The following ACSS3 variants were observed in gnomAD, a reference collection of about 807,000 sequenced individuals.
The protein encoded by ACSS3 is acyl-CoA synthetase short-chain family member 3, mitochondrial.
Under a neutral mutation model 84.2 loss-of-function variants are expected in ACSS3, and 64 were observed. The ratio of observed to expected loss-of-function variants is 0.76; its 90% confidence interval spans 0.62 to 0.94. The LOEUF is 0.94. Among genes scored for constraint, ACSS3 ranks in the 40% least tolerant of loss-of-function variants. ACSS3 has a pLI of 0.00. For synonymous variants in ACSS3, 317 were observed against 310.1 expected (o/e 1.02, Z -0.23); for missense variants, 815 against 867.6 (o/e 0.94, Z 0.76).
intron 9 of ACSS3, among the ~76,000 whole-genome samples, chr12:81,209,350 A>G (rs995994947): frequency 6.6e-6 from 1 of 151,018 alleles, no homozygotes. Flanking sequence ...GTTATATAAC[A>G]TTTTTAATGG....
intron 13 of ACSS3, among the ~76,000 whole-genome samples, chr12:81,248,044 T>G (rs1191433967): frequency 6.6e-6 from 1 of 152,034 alleles, no homozygotes; most frequent in Admixed American, 6.6e-5. Flanking sequence ...TGTAAGTTAT[T>G]GTTAGAAAGT....
intron 12 of ACSS3, among the ~76,000 whole-genome samples, chr12:81,232,737 CAT>C (rs2033507141): frequency 2.0e-5 from 3 of 151,708 alleles, no homozygotes; most frequent in Non-Finnish European, 1.5e-5. Flanking sequence ...TGTTCATAAA[CAT>C]AGGTATCAAA....
At chr12:81,092,278 ATAGAGTTTAACTC>A (rs1160659960) in intron 1 of ACSS3, among the ~76,000 whole-genome samples, 10 of 152,198 alleles carry the variant, frequency 6.6e-5, no homozygotes, top group Non-Finnish European at 8.8e-5. Context: ...GAGAGTCCAG[ATAGAGTTTAACTC>A]TAAAAAACAA....
At chr12:81,169,785 T>C (rs982399190) in intron 7 of ACSS3, among the ~76,000 whole-genome samples, 2 of 152,160 alleles carry the variant, frequency 1.3e-5, no homozygotes, top group African/African-American at 2.4e-5. Flanking sequence ...ACATGACCTA[T>C]AGTAGAAATT....
At chr12:81,247,269 G>A (rs1026539946) in intron 13 of ACSS3, among the ~76,000 whole-genome samples, 2 of 152,022 alleles carry the variant, frequency 1.3e-5, no homozygotes, top group African/African-American at 4.8e-5. Context: ...GGCAGACTCA[G>A]TCAATCAAAA....
At chr12:81,235,064 T>A (rs1190895302) in intron 13 of ACSS3, among the ~76,000 whole-genome samples, 2 of 151,398 alleles carry the variant, frequency 1.3e-5, no homozygotes, top group Non-Finnish European at 3.0e-5. Flanking sequence ...GTTTTACATT[T>A]ATATCATTTT....
At chr12:81,215,515 G>T (rs746010967) in intron 9 of ACSS3, among the ~76,000 whole-genome samples, 1 of 152,196 alleles carries the variant, frequency 6.6e-6, no homozygotes, top group African/African-American at 2.4e-5. Context: ...ATTCTAAAGT[G>T]ATATCAATAT....
intron 7 of ACSS3, among the ~76,000 whole-genome samples, chr12:81,173,565 A>C (rs1180608518): frequency 6.6e-6 from 1 of 152,192 alleles, no homozygotes; most frequent in Admixed American, 6.5e-5. Flanking sequence ...TATTGAATCT[A>C]AATTATTGGA....
intron 12 of ACSS3, among the ~76,000 whole-genome samples, chr12:81,232,100 C>A (rs2033484244): frequency 1.3e-5 from 2 of 151,880 alleles, no homozygotes; most frequent in South Asian, 4.1e-4. Context: ...GATTAAACAT[C>A]CCCTGATAGA....
chr12:81,079,631 C>T (rs1880846832), intron 1 of ACSS3, among the ~76,000 whole-genome samples: 1 of 152,120 alleles, frequency 6.6e-6, no homozygotes, highest in African/African-American at 2.4e-5. Flanking sequence ...TTGATCGGTC[C>T]TCTTTTCTGT....
chr12:81,246,827 A>G (rs1373241625), intron 13 of ACSS3, among the ~76,000 whole-genome samples: 1 of 152,174 alleles, frequency 6.6e-6, no homozygotes, highest in East Asian at 1.9e-4. Flanking sequence ...AAAAATAGCT[A>G]TTGGGTACTA....
chr12:81,129,730 CTCA>C (rs2121549742), intron 2 of ACSS3, among the ~76,000 whole-genome samples: 1 of 152,200 alleles, frequency 6.6e-6, no homozygotes, highest in African/African-American at 2.4e-5. Flanking sequence ...CACCCATTAA[CTCA>C]TCATTTACAT....
At chr12:81,158,166 C>A (rs980177277) in intron 7 of ACSS3, among the ~76,000 whole-genome samples, 7 of 151,978 alleles carry the variant, frequency 4.6e-5, no homozygotes, top group Non-Finnish European at 1.0e-4. Context: ...TGTAGTTTTG[C>A]AGTTTTTACA....
chr12:81,240,614 G>A (rs1593233166), intron 13 of ACSS3, among the ~76,000 whole-genome samples: 1 of 151,580 alleles, frequency 6.6e-6, no homozygotes, highest in East Asian at 1.9e-4. Flanking sequence ...CTTACTCTTT[G>A]TTTCTATTTC....
chr12:81,189,574 G>A (rs1020776451), intron 8 of ACSS3, among the ~76,000 whole-genome samples: 5 of 151,964 alleles, frequency 3.3e-5, no homozygotes, highest in African/African-American at 1.2e-4. Flanking sequence ...ATTTGTAGGA[G>A]TTTTTCATAC....
intron 1 of ACSS3, among the ~76,000 whole-genome samples, chr12:81,093,656 CAA>C (rs1409604811): frequency 6.6e-6 from 1 of 151,330 alleles, no homozygotes; most frequent in Non-Finnish European, 1.5e-5. Context: ...AAAAATAATG[CAA>C]AGAGTTCATT....
At chr12:81,161,200 GGCAGCTCCCTTT>G (rs1248983364) in intron 7 of ACSS3, among the ~76,000 whole-genome samples, 1 of 152,186 alleles carries the variant, frequency 6.6e-6, no homozygotes, top group African/African-American at 2.4e-5. Flanking sequence ...GAGCACTAGA[GGCAGCTCCCTTT>G]GGAGCCCATT....
In ACSS3 at chr12:81,078,486, C is replaced by T. The variant is rs918673276; in HGVS notation, c.311+55C>T. ...CCCATCCCTGGTAACTTTTTGGGCG[C>T]CAGGACCTCCCTGGGACCTGGAATC... is the stretch of plus-strand genomic sequence containing the variant. On this transcript the variant is annotated intron_variant, in intron 1 of 15. Transcript: ENST00000548058. The T allele has an allele frequency of 3.1e-6, 5 of 1,588,092 alleles. No homozygotes were observed. In the African/African-American group the frequency reaches 5.4e-5, roughly 17 times the overall value.
rs957592503 is a variant in ACSS3 at position 81,260,293 on chromosome 12, C to T, written c.*5371C>T. 6.6e-6 allele frequency: 1 copy of T among 152,100 alleles called. No homozygotes were observed. The highest frequency in any genetic ancestry group is 1.5e-5 in the Non-Finnish European group (1 of 68,014). The allele number at this position is 152,100 out of a possible 1,614,324, so 9.4% of individuals were successfully genotyped here. ...AATTATTGTAAATGAATACTGTTAT[C>T]CCAATTAATGGTAAAAACTAGGAAA... On this transcript the variant is annotated 3_prime_UTR_variant, in exon 16 of 16. Coordinates refer to ENST00000548058, the MANE Select transcript of ACSS3 (RefSeq NM_024560.4).
Sources: allele counts gnomAD v4.1 joint callset (sites outside exome capture counted in the v4.1 genomes callset), GRCh38; gene constraint gnomAD v4.1.1; transcripts MANE v1.5; gene names NCBI Gene and HGNC (gene_info 2026-07-23, HGNC 2026-07-21).